KANSL1: variants seen among roughly 807,000 people sequenced by gnomAD.
KANSL1 encodes MLL1/MLL complex subunit KANSL1.
A neutral mutation model predicts 103.6 loss-of-function variants in KANSL1; 22 were observed. That is an observed-to-expected ratio of 0.21 (90% CI 0.15 to 0.30). The LOEUF (loss-of-function observed/expected upper bound fraction) is 0.30, where lower values mean the gene tolerates loss of function less well. KANSL1 is among the 10% of genes least tolerant of loss of function. The probability of loss-of-function intolerance (pLI) is 1.00; values close to 1 mark genes in which losing one functional copy is unlikely to be tolerated. For missense variants in KANSL1, 1,337 were observed against 1,399.8 expected, an observed-to-expected ratio of 0.96 and a Z score of 0.72; for synonymous variants, 600 against 527.6, an observed-to-expected ratio of 1.14 and a Z score of -1.88.
At chr17:46,155,155 A>ATT (rs33974360) in intron 2 of KANSL1, among the ~76,000 whole-genome samples, 1,588 of 103,722 alleles carry the variant, frequency 0.015, 14 homozygotes, top group African/African-American at 0.022. Context: ...TCAGCCAGGG[A>ATT]TTTTTTTTTT....
chr17:46,032,615 G>A lies in KANSL1; in HGVS notation c.2838-316C>T, dbSNP rs2077041868. 8.2e-6 allele frequency: 3 copies of A among 366,010 alleles called. No individual in the cohort carries two copies. The East Asian group carries it at 1.3e-4, about 16-fold the overall frequency. The allele number at this position is 366,010 out of a possible 1,614,324, so 22.7% of individuals were successfully genotyped here. Reference sequence around the variant, plus strand: ...CAAAGAAAAAAAAGTAAAAGTAAGAGCTCCCAAAACTTTCTACTTGAGAAT... The same window carrying A: ...CAAAGAAAAAAAAGTAAAAGTAAGAACTCCCAAAACTTTCTACTTGAGAAT... On this transcript the variant is annotated intron_variant, in intron 13 of 14. Transcript: ENST00000432791.
At chr17:46,151,734 T>C (rs2045117100) in intron 2 of KANSL1, among the ~76,000 whole-genome samples, 1 of 152,258 alleles carries the variant, frequency 6.6e-6, no homozygotes, top group Non-Finnish European at 1.5e-5. Flanking sequence ...GCAACTTACA[T>C]AATTTCTTAA....
chr17:46,143,338 A>G lies in KANSL1; in HGVS notation c.1289+27517T>C, dbSNP rs193291869. ...GTGAAACCCCGTCTCTACTAAATAC[A>G]CCAAAATTAGCCAGGTGTGGTGGCA... On this transcript the variant is annotated intron_variant, in intron 2 of 14. Coordinates refer to ENST00000432791, the MANE Select transcript of KANSL1 (RefSeq NM_015443.4). Among the ~76,000 whole-genome samples, 87 of 152,170 alleles carry G rather than the reference A, an allele frequency of 5.7e-4. No individual in the cohort carries two copies. The East Asian group carries it at 0.016, about 28-fold the overall frequency.
chr17:46,170,786 T>C, intron 2 of KANSL1, 69 bp downstream of exon 2: 2 of 1,445,432 alleles, frequency 1.4e-6, no homozygotes, highest in Non-Finnish European at 1.9e-6. Flanking sequence ...CTCTCCATAA[T>C]GGCGATTCAT....
At chr17:46,169,355 A>C (rs2046165914) in intron 2 of KANSL1, among the ~76,000 whole-genome samples, 1 of 152,248 alleles carries the variant, frequency 6.6e-6, no homozygotes, top group Admixed American at 6.5e-5. Context: ...CTAGGTCTAC[A>C]AGGAAGAAAT....
intron 1 of KANSL1, among the ~76,000 whole-genome samples, chr17:46,206,313 G>A (rs1325156360): frequency 2.0e-5 from 3 of 152,216 alleles, no homozygotes; most frequent in African/African-American, 7.2e-5. Context: ...GTGTGGTAGT[G>A]GCATAAGGAT....
At chr17:46,178,531 GTCAC>G (rs1450353677) in intron 1 of KANSL1, among the ~76,000 whole-genome samples, 1 of 152,200 alleles carries the variant, frequency 6.6e-6, no homozygotes, top group Non-Finnish European at 1.5e-5. Context: ...TACACCTGCT[GTCAC>G]TCACACAAAT....
chr17:46,205,172 T>C (rs1239528814), intron 1 of KANSL1, among the ~76,000 whole-genome samples: 1 of 152,142 alleles, frequency 6.6e-6, no homozygotes, highest in East Asian at 1.9e-4. Context: ...GAAGGAAAAC[T>C]ACCTTTATTT....
intron 10 of KANSL1, among the ~76,000 whole-genome samples, chr17:46,036,720 C>T (rs1191264730): frequency 3.4e-5 from 5 of 147,842 alleles, no homozygotes; most frequent in Non-Finnish European, 6.1e-5. Flanking sequence ...GGCCTATCTT[C>T]TTTCTTTTTT....
At chr17:46,100,770 A>C (rs1244930502) in intron 2 of KANSL1, among the ~76,000 whole-genome samples, 2 of 152,352 alleles carry the variant, frequency 1.3e-5, no homozygotes, top group Admixed American at 6.5e-5. Flanking sequence ...AATCCAGTAG[A>C]ACAGGGCTGG....
chr17:46,166,233 T>C (rs1413016682), intron 2 of KANSL1, among the ~76,000 whole-genome samples: 1 of 129,016 alleles, frequency 7.8e-6, no homozygotes, highest in Non-Finnish European at 1.8e-5. Flanking sequence ...AAAAAAGGGC[T>C]GGGCACAGTG....
chr17:46,135,015 G>A (rs1324265011), intron 2 of KANSL1, among the ~76,000 whole-genome samples: 1 of 152,148 alleles, frequency 6.6e-6, no homozygotes, highest in Non-Finnish European at 1.5e-5. Flanking sequence ...AATTCTCGTT[G>A]CTGTCCCCTT....
chr17:46,083,328 G>A (rs576522216), intron 3 of KANSL1, among the ~76,000 whole-genome samples: 12 of 152,158 alleles, frequency 7.9e-5, no homozygotes, highest in South Asian at 2.1e-4. Context: ...CTATATAACC[G>A]AAAGACTGGG....
Position 46,066,671 on chromosome 17 carries a change from G to A in KANSL1, c.1714C>T (p.His572Tyr), listed in dbSNP as rs759587635. 6.2e-7 allele frequency: 1 copy of A among 1,614,176 alleles called. No individual in the cohort carries two copies. Among genetic ancestry groups the A allele is most frequent in the African/African-American group, 1.3e-5 (1 of 75,038 alleles). ...GDSSDAEEQLHKKQRLNLVSS... is the reference protein window; with the variant it reads ...GDSSDAEEQLYKKQRLNLVSS... ...ACGAGATTCAGTCGTTGCTTCTTATGTAATTGTTCCTCAGCATCAGAGCTG... is the reference window on the plus strand; with the variant it reads ...ACGAGATTCAGTCGTTGCTTCTTATATAATTGTTCCTCAGCATCAGAGCTG... The change falls in exon 6 of 15, where the codon CAT becomes TAT. Residue 572 changes from histidine (H) to tyrosine (Y), a missense_variant. Physicochemically the swap from His to Tyr is moderately conservative, Grantham distance 83 (BLOSUM62 2). Around this residue, in one of 2 missense-constraint regions of KANSL1, gnomAD observed 780 missense variants for 923.4 expected, o/e 0.84. Transcript: ENST00000432791.
chr17:46,140,799 G>C (rs1160398722), intron 2 of KANSL1, among the ~76,000 whole-genome samples: 2 of 152,152 alleles, frequency 1.3e-5, no homozygotes, highest in African/African-American at 4.8e-5. Context: ...AGCCATTAGA[G>C]AAATTAAAAT....
intron 4 of KANSL1, among the ~76,000 whole-genome samples, chr17:46,071,184 G>A (rs2078564451): frequency 6.6e-6 from 1 of 152,084 alleles, no homozygotes; most frequent in Non-Finnish European, 1.5e-5. Flanking sequence ...AATCAAAATT[G>A]AAGTCAACAG....
rs34418861 is a variant in KANSL1, at chr17:46,049,240, C to CTTTTT, written c.2020+1288_2020+1292dup. ...ATTTGTTGTCCCCACCATCCAAGAC[C>CTTTTT]TTTTTTTTTTTTTTTTTTTTTTTTT... On this transcript the variant is annotated intron_variant, in intron 7 of 14. Transcript: ENST00000432791. Among the ~76,000 whole-genome samples, 133 of 75,796 alleles carry CTTTTT rather than the reference C, an allele frequency of 1.8e-3. 5 individuals carry two copies. The highest frequency in any genetic ancestry group is 2.1e-3 in the African/African-American group (39 of 18,370). The allele number at this position is 75,796 out of a possible 152,430, so 49.7% of individuals were successfully genotyped here.
intron 2 of KANSL1, among the ~76,000 whole-genome samples, chr17:46,099,361 A>G (rs1364429944): frequency 3.9e-5 from 6 of 151,986 alleles, no homozygotes; most frequent in Non-Finnish European, 7.4e-5. Flanking sequence ...AAACAAATAC[A>G]AGCTATATAA....
intron 2 of KANSL1, among the ~76,000 whole-genome samples, chr17:46,143,984 G>A (rs2532307): frequency 0.14 from 21,936 of 152,092 alleles, 2,137 homozygotes; most frequent in Non-Finnish European, 0.22. Flanking sequence ...AACAAAGGGA[G>A]TATTTTCTAC....
Sources: allele counts gnomAD v4.1 joint callset (sites outside exome capture counted in the v4.1 genomes callset), GRCh38; gene constraint gnomAD v4.1.1; regional missense constraint gnomAD v4.1.1; transcripts MANE v1.5; gene names NCBI Gene and HGNC (gene_info 2026-07-23, HGNC 2026-07-21).